The following RAPH1 variants were observed in gnomAD, a reference collection of about 807,000 sequenced individuals.
The protein encoded by RAPH1 is Ras association (RalGDS/AF-6) and pleckstrin homology domains 1.
Under a neutral mutation model 88.1 loss-of-function variants are expected in RAPH1, and 18 were observed. That is an observed-to-expected ratio of 0.20 (90% CI 0.14 to 0.30). The LOEUF is 0.30. RAPH1 is among the 10% of genes least tolerant of loss of function. The pLI, the probability that RAPH1 is intolerant of heterozygous loss-of-function variation, is 1.00. For synonymous variants in RAPH1, 587 were observed against 559.0 expected (o/e 1.05, Z -0.71); for missense variants, 1,448 against 1,543.2 (o/e 0.94, Z 1.03).
In RAPH1 at chr2:203,456,418, T is replaced by C. The variant is rs1204895662; in HGVS notation, c.1159-838A>G. 4.6e-5 allele frequency among the ~76,000 whole-genome samples: 7 copies of C among 152,320 alleles called. No individual in the cohort carries two copies. In the South Asian group the frequency reaches 6.2e-4, roughly 14 times the overall value. ...TAAGAATTTAAAAACTATCCATTTATGTGACTCTAAGACAAAGAGGGCATT... is the reference window on the plus strand; with the variant it reads ...TAAGAATTTAAAAACTATCCATTTACGTGACTCTAAGACAAAGAGGGCATT... On this transcript the variant is annotated intron_variant, in intron 8 of 13. Transcript: ENST00000319170.
At chr2:203,457,630 A>G in intron 7 of RAPH1, 35 bp from the exon 8 acceptor site, 1 of 1,448,002 alleles carries the variant, frequency 6.9e-7, no homozygotes. Context: ...GATGGGTGGG[A>G]GAGAAAAAAA....
chr2:203,502,093 C>G (rs1386004228), intron 1 of RAPH1, among the ~76,000 whole-genome samples: 2 of 152,180 alleles, frequency 1.3e-5, no homozygotes, highest in Non-Finnish European at 2.9e-5. Context: ...AAGAAGGAAG[C>G]AATGTGCTAT....
At position 203,440,869 on chromosome 2, in the gene RAPH1, G is replaced by C; in HGVS notation, c.2321C>G (p.Pro774Arg). 6.7e-7 allele frequency: 1 copy of C among 1,499,302 alleles called. No individual in the cohort carries two copies. The allele number at this position is 1,499,302 out of a possible 1,614,324, so 92.9% of individuals were successfully genotyped here. ...PPPPPIPAPL[P>R]PQAPPKPLVT... ...AAGGGGTTTTGGGGGAGCTTGGGGA[G>C]GGAGGGGTGCAGGGATAGGAGGAGG... The change falls in exon 14 of 14, where the codon CCT becomes CGT. Residue 774 changes from proline (P) to arginine (R), a missense_variant. By Grantham distance (103) the Pro-to-Arg change is moderately radical (BLOSUM62 -2). Around this residue, in one of 2 missense-constraint regions of RAPH1, gnomAD observed 935 missense variants for 890.1 expected, o/e 1.05. Transcript: ENST00000319170.
At position 203,512,761 on chromosome 2, in the gene RAPH1, T is replaced by G. The variant is rs28436954; in HGVS notation, c.1-17408A>C. Among the ~76,000 whole-genome samples the G allele has an allele frequency of 1.2e-3, 180 of 151,792 alleles. 2 individuals carry two copies. The highest frequency in any genetic ancestry group is 4.2e-3 in the African/African-American group (174 of 41,394). On this transcript the variant is annotated intron_variant, in intron 1 of 13. Coordinates refer to ENST00000319170, the MANE Select transcript of RAPH1 (RefSeq NM_213589.3). Reference sequence around the variant, plus strand: ...GCCTCAGCCTCCCAAGTAGCTGGGATTACAGGCACATGCCACCATGCCTGG... The same window carrying G: ...GCCTCAGCCTCCCAAGTAGCTGGGAGTACAGGCACATGCCACCATGCCTGG...
chr2:203,475,950 T>C (rs948421278), intron 4 of RAPH1, among the ~76,000 whole-genome samples: 3 of 152,118 alleles, frequency 2.0e-5, no homozygotes, highest in Non-Finnish European at 4.4e-5. Context: ...ATTACATTCA[T>C]ATAAAAAAGT....
Position 203,440,087 on chromosome 2 carries a change from C to T in RAPH1, c.3103G>A (p.Val1035Ile). The change falls in exon 14 of 14, where the codon GTC (valine) becomes ATC (isoleucine). Residue 1035 changes from valine to isoleucine, a missense_variant. Physicochemically the swap from Val to Ile is conservative, Grantham distance 29. This residue lies in a region of RAPH1 where 935 missense variants were observed against 890.1 expected (regional missense o/e 1.05). Coordinates refer to ENST00000319170, the MANE Select transcript of RAPH1 (RefSeq NM_213589.3). ...TGTTGGAGAACTCCAGGAAGGTTGACTCCAGAAAGATTGAGTTTTCCAGGC... is the reference window on the plus strand; with the variant it reads ...TGTTGGAGAACTCCAGGAAGGTTGATTCCAGAAAGATTGAGTTTTCCAGGC... ...PKPGKLNLSGVNLPGVLQQGC... is the reference protein window; with the variant it reads ...PKPGKLNLSGINLPGVLQQGC... 1 of 1,613,520 alleles carries T rather than the reference C, an allele frequency of 6.2e-7. No individual in the cohort carries two copies. Among genetic ancestry groups the T allele is most frequent in the Non-Finnish European group, 8.5e-7 (1 of 1,179,994 alleles).
chr2:203,441,468 G>A, intron 13 of RAPH1, 55 bp from the exon 14 acceptor site: 2 of 1,481,180 alleles, frequency 1.4e-6, no homozygotes, highest in Non-Finnish European at 1.8e-6. Context: ...AAACAAAACA[G>A]TTACAGAGGT....
intron 4 of RAPH1, among the ~76,000 whole-genome samples, chr2:203,485,951 T>C (rs1188933195): frequency 2.0e-5 from 3 of 152,004 alleles, no homozygotes; most frequent in Admixed American, 1.3e-4. Flanking sequence ...ACTGGAACAA[T>C]GGGGACCATC....
At chr2:203,532,719 C>T (rs1186253003) in intron 1 of RAPH1, among the ~76,000 whole-genome samples, 1 of 152,092 alleles carries the variant, frequency 6.6e-6, no homozygotes, top group Non-Finnish European at 1.5e-5. Context: ...AGATTAAAGT[C>T]AAACATCTGC....
At position 203,440,186 on chromosome 2, in the gene RAPH1, T is replaced by A. The variant is rs371102026; in HGVS notation, c.3004A>T (p.Ser1002Cys). 4.5e-5 allele frequency: 72 copies of A among 1,613,688 alleles called. No homozygotes were observed. The highest frequency in any genetic ancestry group is 6.0e-5 in the Non-Finnish European group (71 of 1,179,986). Reference protein sequence around the residue: ...PKRPSVDSLVSKFTPPAESGS... With the variant: ...PKRPSVDSLVCKFTPPAESGS... Reference sequence around the variant, plus strand: ...GATTCTGCTGGCGGTGTAAACTTGCTGACTAGACTGTCCACCGAGGGTCTC... The same window carrying A: ...GATTCTGCTGGCGGTGTAAACTTGCAGACTAGACTGTCCACCGAGGGTCTC... Residue 1002 changes from serine to cysteine, a missense_variant, in exon 14 of 14, where the codon AGC (serine) becomes TGC (cysteine). By Grantham distance (112) the Ser-to-Cys change is moderately radical (BLOSUM62 -1). This residue lies in a region of RAPH1 where 935 missense variants were observed against 890.1 expected (regional missense o/e 1.05). Transcript: ENST00000319170.
At chr2:203,512,052 GCAGAGAGCCGAGATCGCAC>G (rs770134655) in intron 1 of RAPH1, among the ~76,000 whole-genome samples, 3 of 152,078 alleles carry the variant, frequency 2.0e-5, no homozygotes, top group Admixed American at 6.6e-5. Flanking sequence ...GGCAGAGGTT[GCAGAGAGCCGAGATCGCAC>G]CAATGCACTC....
chr2:203,512,618 T>C lies in RAPH1; in HGVS notation c.1-17265A>G, dbSNP rs545317501. ...TAAACAACATATGCTAAACATCCCTTACCTTTTTTTTTTTTTTTTTTTGAG... is the reference window on the plus strand; with the variant it reads ...TAAACAACATATGCTAAACATCCCTCACCTTTTTTTTTTTTTTTTTTTGAG... On this transcript the variant is annotated intron_variant, in intron 1 of 13. Coordinates refer to ENST00000319170, the MANE Select transcript of RAPH1 (RefSeq NM_213589.3). 1.2e-4 allele frequency among the ~76,000 whole-genome samples: 17 copies of C among 147,720 alleles called. No individual in the cohort carries two copies. In the East Asian group the frequency reaches 3.2e-3, roughly 27 times the overall value.
chr2:203,477,485 G>A lies in RAPH1; in HGVS notation c.732+12099C>T, dbSNP rs561820913. Among the ~76,000 whole-genome samples the A allele has an allele frequency of 9.6e-4, 146 of 152,140 alleles. 1 individual carries two copies. Among genetic ancestry groups the A allele is most frequent in the Non-Finnish European group, 1.9e-3 (126 of 68,010 alleles). On this transcript the variant is annotated intron_variant, in intron 4 of 13. Transcript: ENST00000319170. ...CTCAACTGGTCCTTAACCACTGTTT[G>A]GCAGTGCTCTTATTAATTTTTCCCC...
At chr2:203,529,005 A>ATATATATT (rs1553633903) in intron 1 of RAPH1, among the ~76,000 whole-genome samples, 7 of 41,156 alleles carry the variant, frequency 1.7e-4, no homozygotes, top group Admixed American at 4.1e-4. Context: ...ATATATATAT[A>ATATATATT]TTTTTTTTTT....
intron 9 of RAPH1, 33 bp from the exon 10 acceptor site, chr2:203,454,573 T>C: frequency 6.7e-7 from 1 of 1,492,282 alleles, no homozygotes; most frequent in South Asian, 1.2e-5. Context: ...ATAAAATTAA[T>C]AATAATGCAC....
At chr2:203,519,977 CT>C (rs1689790496) in intron 1 of RAPH1, among the ~76,000 whole-genome samples, 1 of 152,110 alleles carries the variant, frequency 6.6e-6, no homozygotes, top group African/African-American at 2.4e-5. Flanking sequence ...CTTTTAAAAG[CT>C]TTGTCACTGG....
rs200677791 is a variant in RAPH1, at chr2:203,448,775, G to A, written c.1475C>T (p.Thr492Ile). The A allele has an allele frequency of 5.5e-5, 89 of 1,611,340 alleles. No homozygotes were observed. Among genetic ancestry groups the A allele is most frequent in the East Asian group, 5.4e-4 (24 of 44,684 alleles). ...GATCCCATTGACCCACTGATGCAGT[G>A]TCCTCACATCATCACAACAAAGGTA... The part of the protein sequence containing the change: ...IKYLCCDDVR[T>I]LHQWVNGIRI... The change falls in exon 11 of 14, where the codon ACA (threonine) becomes ATA (isoleucine). Residue 492 changes from threonine to isoleucine, a missense_variant. By Grantham distance (89) the Thr-to-Ile change is moderately conservative. Transcript: ENST00000319170. The surrounding 1 kb of genome is among the most constrained non-coding windows in gnomAD (Gnocchi z 4.1).
At chr2:203,458,677 T>G (rs1389326283) in intron 7 of RAPH1, among the ~76,000 whole-genome samples, 1 of 152,240 alleles carries the variant, frequency 6.6e-6, no homozygotes, top group Admixed American at 6.5e-5. Context: ...CCTGGAATTA[T>G]TTTTCTGAAT....
At position 203,439,803 on chromosome 2, in the gene RAPH1, A is replaced by G. The variant is rs377306399; in HGVS notation, c.3387T>C (p.Asp1129=). ...APPPTRPKRN[D]STRLTQAEIS... is the part of the protein sequence containing the mutation. Reference sequence around the variant, plus strand: ...TCTCAGCTTGAGTGAGGCGGGTGCTATCATTCCGTTTGGGTCGTGTGGGTG... The same window carrying G: ...TCTCAGCTTGAGTGAGGCGGGTGCTGTCATTCCGTTTGGGTCGTGTGGGTG... Residue 1129 remains aspartate (D), a synonymous_variant, in exon 14 of 14, where the codon GAT becomes GAC. Transcript: ENST00000319170. 70 of 1,613,956 alleles carry G rather than the reference A, an allele frequency of 4.3e-5. No individual in the cohort carries two copies. The Middle Eastern group carries it at 8.2e-4, about 19-fold the overall frequency.
Sources: allele counts gnomAD v4.1 joint callset (sites outside exome capture counted in the v4.1 genomes callset), GRCh38; gene constraint gnomAD v4.1.1; regional missense constraint gnomAD v4.1.1; non-coding constraint Gnocchi (gnomAD v3.1); transcripts MANE v1.5; gene names NCBI Gene and HGNC (gene_info 2026-07-23, HGNC 2026-07-21).